The following COL25A1 variants were observed in gnomAD, a reference collection of about 807,000 sequenced individuals.
COL25A1 encodes collagen alpha-1(XXV) chain.
A neutral mutation model predicts 128.4 loss-of-function variants in COL25A1; 103 were observed. The observed-to-expected ratio is 0.80, with a 90% CI of 0.68 to 0.94. The LOEUF (loss-of-function observed/expected upper bound fraction) is 0.94. Ranked by LOEUF, COL25A1 falls within the 40% of genes least tolerant of loss-of-function variation. The pLI is 0.00. For synonymous variants in COL25A1, 279 were observed against 277.2 expected (o/e 1.01, Z -0.06); for missense variants, 745 against 840.0 (o/e 0.89, Z 1.40).
chr4:109,056,635 G>C (rs1761471377), intron 3 of COL25A1, among the ~76,000 whole-genome samples: 2 of 110,952 alleles, frequency 1.8e-5, no homozygotes, highest in Admixed American at 2.0e-4. Flanking sequence ...GGTACAAAAA[G>C]ATTAAAAAAA....
chr4:109,019,373 C>CATATATATATATATATATAT (rs1271683280), intron 5 of COL25A1, among the ~76,000 whole-genome samples: 702 of 31,324 alleles, frequency 0.022, 5 homozygotes, highest in Admixed American at 0.033. Flanking sequence ...CACACACACA[C>CATATATATATATATATATAT]ACATATATAT....
At chr4:109,176,413 A>G (rs1311438737) in intron 3 of COL25A1, among the ~76,000 whole-genome samples, 1 of 152,154 alleles carries the variant, frequency 6.6e-6, no homozygotes, top group Non-Finnish European at 1.5e-5. Context: ...GCTAGAGATG[A>G]GACTTGGCTT....
chr4:108,813,949 A>C lies in COL25A1; in HGVS notation c.1963-20T>G. 6.3e-7 allele frequency: 1 copy of C among 1,580,842 alleles called. No homozygotes were observed. The highest frequency in any genetic ancestry group is 8.7e-7 in the Non-Finnish European group (1 of 1,151,460). On this transcript the variant is annotated intron_variant, in intron 37 of 37. Transcript: ENST00000399132. ...TCATCACTGCAGAAAAAGACAACAA[A>C]AAGACAAATACATGGAATTAGTAGT... is the stretch of plus-strand genomic sequence containing the variant.
intron 3 of COL25A1, among the ~76,000 whole-genome samples, chr4:109,114,665 C>T (rs747051311): frequency 6.6e-6 from 1 of 152,034 alleles, no homozygotes; most frequent in Non-Finnish European, 1.5e-5. Flanking sequence ...AGAATATCAA[C>T]GTGACATACG....
At chr4:108,956,094 T>C (rs746438115) in intron 8 of COL25A1, among the ~76,000 whole-genome samples, 2 of 152,158 alleles carry the variant, frequency 1.3e-5, no homozygotes, top group Non-Finnish European at 2.9e-5. Context: ...ATTGCTAAAA[T>C]TTGTATTGAC....
At chr4:109,178,576 G>A (rs963595894) in intron 3 of COL25A1, among the ~76,000 whole-genome samples, 13 of 152,234 alleles carry the variant, frequency 8.5e-5, no homozygotes, top group African/African-American at 3.1e-4. Context: ...TGTAATCCCA[G>A]CACTTTCGGA....
chr4:108,902,846 G>A (rs1743002856), intron 13 of COL25A1, among the ~76,000 whole-genome samples: 1 of 151,836 alleles, frequency 6.6e-6, no homozygotes, highest in Non-Finnish European at 1.5e-5. Flanking sequence ...ACATAACAAA[G>A]GATAAGAACT....
intron 3 of COL25A1, among the ~76,000 whole-genome samples, chr4:109,165,490 A>G (rs1223956822): frequency 6.6e-6 from 1 of 152,158 alleles, no homozygotes; most frequent in Admixed American, 6.5e-5. Context: ...CTGAGTCAGG[A>G]GGCTCACTGG....
At chr4:108,944,116 C>T (rs567945274) in intron 8 of COL25A1, among the ~76,000 whole-genome samples, 4 of 152,250 alleles carry the variant, frequency 2.6e-5, no homozygotes, top group African/African-American at 9.6e-5. Context: ...TCTCAGTCTT[C>T]GGTACTACAA....
chr4:109,120,374 G>A (rs916849754), intron 3 of COL25A1, among the ~76,000 whole-genome samples: 2 of 151,618 alleles, frequency 1.3e-5, no homozygotes, highest in African/African-American at 2.4e-5. Flanking sequence ...TGCCTATGGA[G>A]AAAATTGGAA....
At chr4:109,238,780 T>C (rs1779635599) in intron 3 of COL25A1, among the ~76,000 whole-genome samples, 1 of 152,022 alleles carries the variant, frequency 6.6e-6, no homozygotes, top group Admixed American at 6.6e-5. Flanking sequence ...CTGTATATCC[T>C]TGGTCCAGAT....
intron 28 of COL25A1, among the ~76,000 whole-genome samples, chr4:108,845,524 G>C (rs1318710261): frequency 6.6e-6 from 1 of 152,178 alleles, no homozygotes; most frequent in Admixed American, 6.5e-5. Context: ...TAAATACATT[G>C]AGTTATAAAT....
intron 5 of COL25A1, among the ~76,000 whole-genome samples, chr4:109,028,515 A>G (rs1451524396): frequency 2.6e-5 from 4 of 152,178 alleles, no homozygotes; most frequent in Non-Finnish European, 5.9e-5. Flanking sequence ...TCACAAGGTC[A>G]AGTGATCAAG....
At chr4:109,104,316 T>G (rs1374705547) in intron 3 of COL25A1, among the ~76,000 whole-genome samples, 1 of 151,976 alleles carries the variant, frequency 6.6e-6, no homozygotes, top group Non-Finnish European at 1.5e-5. Context: ...GAGGTTACAG[T>G]GAGCTATAAC....
rs189805049 is a variant in COL25A1, at chr4:108,894,618, A to G, written c.906+2049T>C. On this transcript the variant is annotated intron_variant, in intron 16 of 37. Transcript: ENST00000399132. ...TATTGTCTATGGTTGCTTTCATGCC[A>G]TAACAACAGAGTTGAGTAGCTGTGA... Among the ~76,000 whole-genome samples, 34 of 152,324 alleles carry G rather than the reference A, an allele frequency of 2.2e-4. No individual in the cohort carries two copies. In the East Asian group the frequency reaches 4.6e-3, roughly 21 times the overall value.
intron 3 of COL25A1, among the ~76,000 whole-genome samples, chr4:109,178,835 C>CAA (rs34132262): frequency 0.014 from 687 of 47,514 alleles, 22 homozygotes; most frequent in East Asian, 0.052. Context: ...ACTCCATCTC[C>CAA]AAAAAAAAAA....
At chr4:109,041,783 A>T (rs1315154273) in intron 5 of COL25A1, among the ~76,000 whole-genome samples, 3 of 152,072 alleles carry the variant, frequency 2.0e-5, no homozygotes, top group Non-Finnish European at 4.4e-5. Flanking sequence ...TTCCTTATCT[A>T]TGGCTGTGTA....
chr4:108,921,662 A>C (rs963307949), intron 11 of COL25A1, among the ~76,000 whole-genome samples: 2 of 152,220 alleles, frequency 1.3e-5, no homozygotes, highest in African/African-American at 4.8e-5. Context: ...TATTAAAAAT[A>C]TATAATGTTT....
intron 19 of COL25A1, among the ~76,000 whole-genome samples, chr4:108,873,451 C>T (rs13131801): frequency 0.54 from 82,651 of 151,688 alleles, 23,784 homozygotes; most frequent in East Asian, 1. Flanking sequence ...CTCCCTAGAA[C>T]TAAGTCAGTG....
Sources: allele counts gnomAD v4.1 joint callset (sites outside exome capture counted in the v4.1 genomes callset), GRCh38; gene constraint gnomAD v4.1.1; transcripts MANE v1.5; gene names NCBI Gene and HGNC (gene_info 2026-07-23, HGNC 2026-07-21).